ADAMTSL1: variants seen among roughly 807,000 people sequenced by gnomAD.
ADAMTSL1 encodes the protein ADAMTS like 1.
Under a neutral mutation model 201.8 loss-of-function variants are expected in ADAMTSL1, and 126 were observed. The observed-to-expected ratio is 0.62, with a 90% CI of 0.54 to 0.72. The LOEUF is 0.72. Among genes scored for constraint, ADAMTSL1 ranks in the 30% least tolerant of loss-of-function variants. The probability of loss-of-function intolerance (pLI) is 0.00; values close to 1 mark genes in which losing one functional copy is unlikely to be tolerated. For synonymous variants in ADAMTSL1, 1,121 were observed against 903.4 expected (o/e 1.24, Z -4.32); for missense variants, 2,679 against 2,277.8 (o/e 1.18, Z -3.59).
At chr9:18,814,941 C>G (rs191380822) in intron 20 of ADAMTSL1, among the ~76,000 whole-genome samples, 1 of 152,062 alleles carries the variant, frequency 6.6e-6, no homozygotes, top group South Asian at 2.1e-4. Context: ...AAATGGCCAA[C>G]AGGCATATGA....
At chr9:17,965,763 A>G (rs1011301343) in intron 1 of ADAMTSL1, among the ~76,000 whole-genome samples, 3 of 152,100 alleles carry the variant, frequency 2.0e-5, no homozygotes, top group Non-Finnish European at 4.4e-5. Flanking sequence ...TACCCATCCA[A>G]GTAAGTGTGG....
intron 23 of ADAMTSL1, among the ~76,000 whole-genome samples, chr9:18,856,889 T>C (rs1209376492): frequency 6.6e-6 from 1 of 152,190 alleles, no homozygotes; most frequent in African/African-American, 2.4e-5. Flanking sequence ...CAAAAGCTGG[T>C]TGGAGAAAGG....
At chr9:18,759,204 C>T (rs1275878158) in intron 16 of ADAMTSL1, among the ~76,000 whole-genome samples, 2 of 152,092 alleles carry the variant, frequency 1.3e-5, no homozygotes, top group Non-Finnish European at 2.9e-5. Context: ...GACAGTGTTG[C>T]CATTTCCCTC....
intron 1 of ADAMTSL1, among the ~76,000 whole-genome samples, chr9:18,065,139 CT>C (rs908257629): frequency 6.6e-6 from 1 of 151,878 alleles, no homozygotes; most frequent in African/African-American, 2.4e-5. Flanking sequence ...TTGTAGAAAA[CT>C]TTTTTCATGT....
At chr9:18,867,924 C>G (rs1827645777) in intron 23 of ADAMTSL1, among the ~76,000 whole-genome samples, 1 of 152,210 alleles carries the variant, frequency 6.6e-6, no homozygotes, top group South Asian at 2.1e-4. Flanking sequence ...CCATGCCTGG[C>G]TGAAATACAT....
At chr9:18,210,931 C>G (rs72684912) in intron 2 of ADAMTSL1, among the ~76,000 whole-genome samples, 4,939 of 149,894 alleles carry the variant, frequency 0.033, 120 homozygotes, top group Non-Finnish European at 0.053. Flanking sequence ...GAGAAACACA[C>G]AAACAAATGT....
At chr9:18,278,700 T>G (rs1832677883) in intron 2 of ADAMTSL1, among the ~76,000 whole-genome samples, 1 of 152,200 alleles carries the variant, frequency 6.6e-6, no homozygotes, top group Non-Finnish European at 1.5e-5. Flanking sequence ...TATTTTCCAC[T>G]TCAGACTTGG....
At chr9:17,933,204 G>A (rs1376038117) in intron 1 of ADAMTSL1, among the ~76,000 whole-genome samples, 2 of 152,068 alleles carry the variant, frequency 1.3e-5, no homozygotes, top group Non-Finnish European at 1.5e-5. Context: ...CTGCTTCTGG[G>A]TTCTGGTAGC....
chr9:18,585,964 C>G (rs1823461428), intron 4 of ADAMTSL1, among the ~76,000 whole-genome samples: 1 of 152,138 alleles, frequency 6.6e-6, no homozygotes, highest in Non-Finnish European at 1.5e-5. Context: ...TCATCTATGA[C>G]AAGCCCACAG....
chr9:18,019,443 T>A (rs1403931667), intron 1 of ADAMTSL1, among the ~76,000 whole-genome samples: 1 of 152,108 alleles, frequency 6.6e-6, no homozygotes, highest in Non-Finnish European at 1.5e-5. Flanking sequence ...ACCGGACCTT[T>A]GTTAAGACCT....
intron 3 of ADAMTSL1, among the ~76,000 whole-genome samples, chr9:18,557,661 G>C (rs1231076074): frequency 6.6e-5 from 10 of 152,014 alleles, no homozygotes; most frequent in Admixed American, 6.6e-4. Context: ...GGGAAGGAGA[G>C]AAGGTGAAGA....
intron 5 of ADAMTSL1, among the ~76,000 whole-genome samples, chr9:18,635,529 T>C (rs1242344040): frequency 3.9e-5 from 6 of 152,188 alleles, no homozygotes. Flanking sequence ...TCTTACCTGT[T>C]CTACTCATCC....
At chr9:18,198,213 C>A (rs1273319719) in intron 2 of ADAMTSL1, among the ~76,000 whole-genome samples, 3,071 of 151,514 alleles carry the variant, frequency 0.02, 77 homozygotes, top group African/African-American at 0.07. Context: ...GACTTCATGT[C>A]TAAAACACCA....
At chr9:18,164,378 G>T (rs1425842592) in intron 2 of ADAMTSL1, among the ~76,000 whole-genome samples, 2 of 151,776 alleles carry the variant, frequency 1.3e-5, no homozygotes, top group Non-Finnish European at 2.9e-5. Flanking sequence ...TCCAATCCTG[G>T]CTTCTTTGTA....
rs141131165 is a variant in ADAMTSL1, at chr9:18,670,719, G to C, written c.1086-5138G>C. ...CTCAATGATTATTTACTAATCACCT[G>C]TGTGCAGAACACTGTCCTAAGAGAT... On this transcript the variant is annotated intron_variant, in intron 9 of 28. Transcript: ENST00000380548. Among the ~76,000 whole-genome samples, 3 of 152,332 alleles carry C rather than the reference G, an allele frequency of 2.0e-5. No individual in the cohort carries two copies. In the East Asian group the frequency reaches 5.8e-4, roughly 29 times the overall value.
At chr9:18,333,655 C>A (rs1369032307) in intron 2 of ADAMTSL1, among the ~76,000 whole-genome samples, 4 of 152,030 alleles carry the variant, frequency 2.6e-5, no homozygotes, top group African/African-American at 9.7e-5. Flanking sequence ...AAACCAGTTG[C>A]TGTAACTGAG....
intron 2 of ADAMTSL1, among the ~76,000 whole-genome samples, chr9:18,185,182 T>A (rs1193355705): frequency 6.6e-6 from 1 of 152,138 alleles, no homozygotes; most frequent in East Asian, 1.9e-4. Flanking sequence ...TGTGACTGCT[T>A]CTAACCAATA....
At chr9:18,819,663 G>C (rs1183577228) in intron 21 of ADAMTSL1, among the ~76,000 whole-genome samples, 1 of 152,168 alleles carries the variant, frequency 6.6e-6, no homozygotes, top group African/African-American at 2.4e-5. Context: ...CTTATAGTGA[G>C]AACCTGATAT....
At chr9:18,020,383 C>T (rs1240138452) in intron 1 of ADAMTSL1, among the ~76,000 whole-genome samples, 2 of 152,062 alleles carry the variant, frequency 1.3e-5, no homozygotes, top group African/African-American at 4.8e-5. Flanking sequence ...GAGTGCTCTG[C>T]TTTCATTCTC....
Sources: allele counts gnomAD v4.1 joint callset (sites outside exome capture counted in the v4.1 genomes callset), GRCh38; gene constraint gnomAD v4.1.1; transcripts MANE v1.5; gene names NCBI Gene and HGNC (gene_info 2026-07-23, HGNC 2026-07-21).